KCTD16: variants seen among roughly 807,000 people sequenced by gnomAD.
KCTD16 encodes BTB/POZ domain-containing protein KCTD16.
KCTD16 carries 13 observed loss-of-function variants against 33.2 expected under a neutral mutation model. The observed-to-expected ratio is 0.39, with a 90% CI of 0.25 to 0.62. The LOEUF (loss-of-function observed/expected upper bound fraction) is 0.62, where lower values mean the gene tolerates loss of function less well. KCTD16 is among the 20% of genes least tolerant of loss of function. KCTD16 has a pLI of 0.50. For missense variants in KCTD16, 441 were observed against 525.1 expected (o/e 0.84, Z 1.57); for synonymous variants, 197 against 195.3 (o/e 1.01, Z -0.07).
At chr5:144,438,928 C>T (rs1185206477) in intron 3 of KCTD16, among the ~76,000 whole-genome samples, 11 of 152,214 alleles carry the variant, frequency 7.2e-5, no homozygotes, top group Non-Finnish European at 1.2e-4. Context: ...TCTCCTTATT[C>T]GGTTAGACAC....
intron 3 of KCTD16, among the ~76,000 whole-genome samples, chr5:144,390,679 C>A (rs1338004116): frequency 6.6e-6 from 1 of 151,966 alleles, no homozygotes; most frequent in Non-Finnish European, 1.5e-5. Context: ...CCTCCCCTTG[C>A]CCCCTACCCC....
intron 3 of KCTD16, among the ~76,000 whole-genome samples, chr5:144,340,149 T>C (rs1417295292): frequency 6.6e-6 from 1 of 151,992 alleles, no homozygotes; most frequent in Non-Finnish European, 1.5e-5. Context: ...GCGTGGTGGC[T>C]CACGCCTGTA....
intron 2 of KCTD16, among the ~76,000 whole-genome samples, chr5:144,192,885 C>A (rs1752871435): frequency 6.6e-6 from 1 of 152,132 alleles, no homozygotes; most frequent in African/African-American, 2.4e-5. Flanking sequence ...GGAGTTTATT[C>A]TATGAGCAGT....
intron 3 of KCTD16, among the ~76,000 whole-genome samples, chr5:144,296,769 A>T (rs1756048810): frequency 6.6e-6 from 1 of 152,170 alleles, no homozygotes. Context: ...AAAAAAAAAT[A>T]GGCTAAAAAG....
At chr5:144,435,966 C>G (rs1753568289) in intron 3 of KCTD16, among the ~76,000 whole-genome samples, 1 of 152,156 alleles carries the variant, frequency 6.6e-6, no homozygotes, top group South Asian at 2.1e-4. Flanking sequence ...GGCCTAGAGT[C>G]CATTCTCCAG....
At chr5:144,254,208 G>A (rs574135045) in intron 3 of KCTD16, among the ~76,000 whole-genome samples, 9 of 151,916 alleles carry the variant, frequency 5.9e-5, no homozygotes, top group East Asian at 3.9e-4. Context: ...CGCGATCTCC[G>A]CTCACTGGAA....
intron 3 of KCTD16, among the ~76,000 whole-genome samples, chr5:144,458,653 A>G (rs1048480906): frequency 1.3e-5 from 2 of 152,146 alleles, no homozygotes; most frequent in Admixed American, 1.3e-4. Flanking sequence ...TCTATTAGAG[A>G]CTCTCAAATA....
At chr5:144,343,210 G>T (rs910348987) in intron 3 of KCTD16, among the ~76,000 whole-genome samples, 2 of 152,108 alleles carry the variant, frequency 1.3e-5, no homozygotes, top group Non-Finnish European at 2.9e-5. Flanking sequence ...TGTGGTCCTG[G>T]ACTCTTTTTG....
chr5:144,320,963 C>T (rs1012132004), intron 3 of KCTD16, among the ~76,000 whole-genome samples: 1 of 152,120 alleles, frequency 6.6e-6, no homozygotes, highest in Non-Finnish European at 1.5e-5. Context: ...TCAAGTGATT[C>T]TCCTGCCTCA....
At chr5:144,281,738 T>C (rs1049468682) in intron 3 of KCTD16, among the ~76,000 whole-genome samples, 2 of 152,222 alleles carry the variant, frequency 1.3e-5, no homozygotes, top group Admixed American at 1.3e-4. Flanking sequence ...TATATTCTTG[T>C]TGATTTTCTT....
At chr5:144,261,641 A>ACTTCTGG (rs1755014710) in intron 3 of KCTD16, among the ~76,000 whole-genome samples, 1 of 152,254 alleles carries the variant, frequency 6.6e-6, no homozygotes, top group Non-Finnish European at 1.5e-5. Context: ...GTCCTCTGTG[A>ACTTCTGG]AATCTGGAAA....
rs59442398 is a variant in KCTD16 at position 144,219,513 on chromosome 5, CTTTTTTTTTTT to C, written c.832+11982_832+11992del. ...ACAGGCATGAGCCACTGTGCTGGGC[CTTTTTTTTTTT>C]TTTTTTTTTTTTTTGAGACGGAGTC... On this transcript the variant is annotated intron_variant, in intron 3 of 3. Coordinates refer to ENST00000512467, the MANE Select transcript of KCTD16 (RefSeq NM_020768.4). 6.9e-3 allele frequency among the ~76,000 whole-genome samples: 530 copies of C among 77,156 alleles called. 8 individuals are homozygous for C. The highest frequency in any genetic ancestry group is 0.044 in the Middle Eastern group (3 of 68). The allele number at this position is 77,156 out of a possible 152,430, so 50.6% of individuals were successfully genotyped here.
intron 3 of KCTD16, among the ~76,000 whole-genome samples, chr5:144,212,937 G>C (rs923507657): frequency 3.3e-5 from 5 of 151,934 alleles, no homozygotes; most frequent in Admixed American, 3.3e-4. Flanking sequence ...TTTCCCTTTT[G>C]TCGATGCTGG....
chr5:144,421,588 G>T (rs536752162), intron 3 of KCTD16, among the ~76,000 whole-genome samples: 4 of 152,232 alleles, frequency 2.6e-5, no homozygotes, highest in African/African-American at 9.6e-5. Context: ...GAAGGAATTT[G>T]TTTTTTCAAA....
rs528366883 is a variant in KCTD16 at position 144,409,119 on chromosome 5, G to A, written c.833-64541G>A. On this transcript the variant is annotated intron_variant, in intron 3 of 3. Transcript: ENST00000512467. Reference sequence around the variant, plus strand: ...GTTTAATTAATACTACCAAATGGTTGAATGAACTGGAAGTCAAGAGATCTA... The same window carrying A: ...GTTTAATTAATACTACCAAATGGTTAAATGAACTGGAAGTCAAGAGATCTA... 7.2e-5 allele frequency among the ~76,000 whole-genome samples: 11 copies of A among 152,294 alleles called. No individual in the cohort carries two copies. In the South Asian group the frequency reaches 1.9e-3, roughly 26 times the overall value.
Position 144,473,747 on chromosome 5 carries a change from G to T in KCTD16, c.920G>T (p.Cys307Phe), listed in dbSNP as rs753037349. ...AAAGAAGGGGAGAGCGGCACGTCTT[G>T]CAATGACCTCTCCACATCTAGCTGC... Reference protein sequence around the residue: ...GDKEGESGTSCNDLSTSSCDS... With the variant: ...GDKEGESGTSFNDLSTSSCDS... The change falls in exon 4 of 4, where the codon TGC (cysteine) becomes TTC (phenylalanine). Residue 307 changes from cysteine to phenylalanine, a missense_variant. Cys to Phe is a radical substitution (Grantham distance 205, BLOSUM62 -2). Coordinates refer to ENST00000512467, the MANE Select transcript of KCTD16 (RefSeq NM_020768.4). 5.0e-6 allele frequency: 8 copies of T among 1,613,922 alleles called. No individual in the cohort carries two copies. The Admixed American group carries it at 1.0e-4, about 20-fold the overall frequency.
In KCTD16 at chr5:144,400,973, G is replaced by A. The variant is rs556787837; in HGVS notation, c.833-72687G>A. On this transcript the variant is annotated intron_variant, in intron 3 of 3. Transcript: ENST00000512467. ...TTTACATATTGGGGAATAGAGAAAA[G>A]GCCAGGGCAATTGGGGCAAAATCAG... is the stretch of plus-strand genomic sequence containing the variant. Among the ~76,000 whole-genome samples the A allele has an allele frequency of 2.0e-4, 31 of 152,248 alleles. No homozygotes were observed. In the South Asian group the frequency reaches 6.4e-3, roughly 32 times the overall value.
chr5:144,321,179 C>T (rs1387917880), intron 3 of KCTD16, among the ~76,000 whole-genome samples: 1 of 152,148 alleles, frequency 6.6e-6, no homozygotes, highest in Non-Finnish European at 1.5e-5. Flanking sequence ...TTGATGAAAA[C>T]TTTGCTACTC....
intron 3 of KCTD16, among the ~76,000 whole-genome samples, chr5:144,418,771 T>C (rs556171289): frequency 6.6e-6 from 1 of 152,318 alleles, no homozygotes; most frequent in Non-Finnish European, 1.5e-5. Flanking sequence ...AATATTTTCA[T>C]TTTCTAATAG....
Sources: gnomAD v4.1 joint callset for allele counts (sites outside exome capture counted in the v4.1 genomes callset) on GRCh38, gnomAD v4.1.1 for gene constraint, MANE v1.5 for transcripts, NCBI Gene and HGNC (gene_info 2026-07-23, HGNC 2026-07-21) for gene names.